AFP: variants seen among roughly 807,000 people sequenced by gnomAD.
AFP encodes the protein alpha-fetoprotein.
Under a neutral mutation model 78.9 loss-of-function variants are expected in AFP, and 64 were observed. The ratio of observed to expected loss-of-function variants is 0.81; its 90% CI spans 0.66 to 1.00. The LOEUF (loss-of-function observed/expected upper bound fraction) is 1.00, where lower values mean the gene tolerates loss of function less well. AFP is among the 50% of genes least tolerant of loss of function. The pLI is 0.00. For missense variants in AFP, 689 were observed against 703.8 expected (o/e 0.98, Z 0.24); for synonymous variants, 254 against 243.8 (o/e 1.04, Z -0.39).
At position 73,438,664 on chromosome 4, in the gene AFP, A is replaced by G. The variant is rs114314459; in HGVS notation, c.270+358A>G. ...AATTGATATAACAGCAATAGTAGCT[A>G]ACTTTTATTATACACACAATGTGAC... is the stretch of plus-strand genomic sequence containing the variant. On this transcript the variant is annotated intron_variant, in intron 3 of 14. Coordinates refer to ENST00000395792, the MANE Select transcript of AFP (RefSeq NM_001134.3). Among the ~76,000 whole-genome samples the G allele has an allele frequency of 3.9e-3, 593 of 152,246 alleles. 4 individuals are homozygous for G. The highest frequency in any genetic ancestry group is 0.013 in the African/African-American group (561 of 41,564).
At chr4:73,439,448 A>T (rs1452806068) in intron 3 of AFP, among the ~76,000 whole-genome samples, 1 of 152,196 alleles carries the variant, frequency 6.6e-6, no homozygotes, top group African/African-American at 2.4e-5. Flanking sequence ...AAATGTGTAT[A>T]AAAAAACAAG....
At position 73,450,604 on chromosome 4, in the gene AFP, G is replaced by A; in HGVS notation, c.1290-11G>A. Reference sequence around the variant, plus strand: ...ACTCAGCAGGACTTAGTTAAAAAATGCTTCTTTCAGGTTTCTCGTTGCTTA... The same window carrying A: ...ACTCAGCAGGACTTAGTTAAAAAATACTTCTTTCAGGTTTCTCGTTGCTTA... On this transcript the variant is annotated splice_polypyrimidine_tract_variant and intron_variant, in intron 10 of 14. Coordinates refer to ENST00000395792, the MANE Select transcript of AFP (RefSeq NM_001134.3). 1 of 1,614,084 alleles carries A rather than the reference G, an allele frequency of 6.2e-7. No homozygotes were observed. The highest frequency in any genetic ancestry group is 8.5e-7 in the Non-Finnish European group (1 of 1,179,988).
chr4:73,452,648 A>C, intron 12 of AFP, 24 bp downstream of exon 12: 1 of 1,563,852 alleles, frequency 6.4e-7, no homozygotes, highest in Non-Finnish European at 8.8e-7. Context: ...ACTTGCTAGC[A>C]TGGAAAAGAA....
intron 4 of AFP, 119 bp from the exon 5 acceptor site, chr4:73,442,177 A>C: frequency 9.7e-7 from 1 of 1,029,968 alleles, no homozygotes; most frequent in Non-Finnish European, 1.5e-6. Flanking sequence ...AGACAAAGTC[A>C]AATGCATTTT....
At position 73,455,915 on chromosome 4, in the gene AFP, T is replaced by C; in HGVS notation, c.*295T>C. On this transcript the variant is annotated 3_prime_UTR_variant, in exon 15 of 15. Transcript: ENST00000395792. ...GAGATTAAAGCTATCCAAGGATGGA[T>C]TTACAGCACTAGATCACTTGGTGAA... The C allele has an allele frequency of 2.3e-6, 1 of 442,502 alleles. No homozygotes were observed. The highest frequency in any genetic ancestry group is 4.0e-6 in the Non-Finnish European group (1 of 250,784). 27.4% of individuals were successfully genotyped at this position (442,502 alleles called of 1,614,324 possible). A position where few individuals can be genotyped will look rare whatever the true frequency, so the allele number is the denominator to read the frequency against.
rs1719654296 is a variant in AFP at position 73,441,282 on chromosome 4, T to C, written c.482+469T>C. Reference sequence around the variant, plus strand: ...GGTTTACTGAACACTTAGGATGTTGTGGGGCCGGGCGCGGTGGCTCACGCT... The same window carrying C: ...GGTTTACTGAACACTTAGGATGTTGCGGGGCCGGGCGCGGTGGCTCACGCT... On this transcript the variant is annotated intron_variant, in intron 4 of 14. Coordinates refer to ENST00000395792, the MANE Select transcript of AFP (RefSeq NM_001134.3). Among the ~76,000 whole-genome samples, 2 of 152,158 alleles carry C rather than the reference T, an allele frequency of 1.3e-5. 1 individual carries two copies. Among genetic ancestry groups the C allele is most frequent in the South Asian group, 4.2e-4 (2 of 4,818 alleles).
chr4:73,452,166 C>G (rs1418563529), intron 11 of AFP, among the ~76,000 whole-genome samples: 2 of 152,116 alleles, frequency 1.3e-5, no homozygotes, highest in African/African-American at 4.8e-5. Flanking sequence ...AATGACTATC[C>G]TCAACATCAC....
intron 13 of AFP, among the ~76,000 whole-genome samples, chr4:73,454,231 A>C (rs1003136257): frequency 2.6e-5 from 4 of 152,054 alleles, no homozygotes; most frequent in African/African-American, 9.6e-5. Flanking sequence ...AAATGGATTA[A>C]AGGATTTAAT....
chr4:73,449,244 T>C (rs1292487582), intron 8 of AFP, 91 bp from the exon 9 acceptor site: 21 of 1,159,276 alleles, frequency 1.8e-5, no homozygotes, highest in Non-Finnish European at 2.5e-5. Flanking sequence ...AACTTCCACA[T>C]GCCATATTAT....
At chr4:73,448,210 A>G (rs1480195514) in intron 8 of AFP, among the ~76,000 whole-genome samples, 1 of 152,182 alleles carries the variant, frequency 6.6e-6, no homozygotes, top group Non-Finnish European at 1.5e-5. Context: ...GTTTAGAGAC[A>G]TTTGCAGTAC....
chr4:73,446,080 A>G (rs16849431), intron 7 of AFP, among the ~76,000 whole-genome samples: 195 of 152,310 alleles, frequency 1.3e-3, no homozygotes, highest in African/African-American at 4.3e-3. Flanking sequence ...TCCGATGGCA[A>G]TTCAGTGAGA....
In AFP at chr4:73,455,716, G is replaced by T. The variant is rs998117486; in HGVS notation, c.*96G>T. 37 of 688,060 alleles carry T rather than the reference G, an allele frequency of 5.4e-5. No homozygotes were observed. Among genetic ancestry groups the T allele is most frequent in the Middle Eastern group, 2.4e-4 (1 of 4,170 alleles). 42.6% of individuals were successfully genotyped at this position (688,060 alleles called of 1,614,324 possible). A position where few individuals can be genotyped will look rare whatever the true frequency, so the allele number is the denominator to read the frequency against. ...GATTTAACACTTTTTGTGAATTAATGAAATGATAAAGACTTTTATGTGAGA... is the reference window on the plus strand; with the variant it reads ...GATTTAACACTTTTTGTGAATTAATTAAATGATAAAGACTTTTATGTGAGA... On this transcript the variant is annotated 3_prime_UTR_variant, in exon 15 of 15. Coordinates refer to ENST00000395792, the MANE Select transcript of AFP (RefSeq NM_001134.3).
Position 73,449,469 on chromosome 4 carries a change from T to G in AFP, c.1191+2T>G, listed in dbSNP as rs1402368020. On this transcript the variant is annotated splice_donor_variant, in intron 9 of 14. Transcript: ENST00000395792. LOFTEE classifies it high-confidence loss of function. ...CCTCTTGAATGCCAAGATAAAGGAG[T>G]AAGTTGCTCTAGAATTTTAGGGGAG... is the stretch of plus-strand genomic sequence containing the variant. 3 of 1,613,110 alleles carry G rather than the reference T, an allele frequency of 1.9e-6. No individual in the cohort carries two copies. The highest frequency in any genetic ancestry group is 2.7e-5 in the African/African-American group (2 of 74,834).
At position 73,437,899 on chromosome 4, in the gene AFP, G is replaced by T. The variant is rs563620651; in HGVS notation, c.138-275G>T. ...AATTATGGGTACATTACAGTAGATG[G>T]ATGGTCACAGAAGGAGAAACCACTC... On this transcript the variant is annotated intron_variant, in intron 2 of 14. Transcript: ENST00000395792. Among the ~76,000 whole-genome samples the T allele has an allele frequency of 4.6e-5, 7 of 152,062 alleles. No individual in the cohort carries two copies. The South Asian group carries it at 1.5e-3, about 32-fold the overall frequency.
chr4:73,438,672 T>G (rs374046933), intron 3 of AFP, among the ~76,000 whole-genome samples: 1 of 152,142 alleles, frequency 6.6e-6, no homozygotes, highest in Non-Finnish European at 1.5e-5. Flanking sequence ...CTAACTTTTA[T>G]TATACACACA....
intron 7 of AFP, among the ~76,000 whole-genome samples, chr4:73,445,929 G>T (rs148563037): frequency 6.6e-6 from 1 of 152,158 alleles, no homozygotes; most frequent in African/African-American, 2.4e-5. Flanking sequence ...TGTCTCTGTG[G>T]GCTCCATGAC....
chr4:73,442,238 C>A, intron 4 of AFP, 58 bp from the exon 5 acceptor site: 1 of 1,507,070 alleles, frequency 6.6e-7, no homozygotes, highest in Non-Finnish European at 9.2e-7. Flanking sequence ...CAGTTCCAAG[C>A]AGTAGTAGTC....
In AFP at chr4:73,444,393, A is replaced by C. The variant is rs143697788; in HGVS notation, c.714-600A>C. On this transcript the variant is annotated intron_variant, in intron 6 of 14. Transcript: ENST00000395792. ...CTTTATCAGAAGCAGGAGTAACACT[A>C]TTTTCTCTAGGAGCAATGGTTTTAC... Among the ~76,000 whole-genome samples the C allele has an allele frequency of 4.8e-3, 734 of 152,274 alleles. 15 individuals are homozygous for C. The highest frequency in any genetic ancestry group is 0.038 in the Admixed American group (586 of 15,296).
In AFP at chr4:73,440,781, A is replaced by G. The variant is rs2149333432; in HGVS notation, c.450A>G (p.Ala150=). The G allele has an allele frequency of 1.2e-6, 2 of 1,614,174 alleles. No individual in the cohort carries two copies. Among genetic ancestry groups the G allele is most frequent in the East Asian group, 2.2e-5 (1 of 44,870 alleles). ...QVPEPVTSCE[A]YEEDRETFMN... Reference sequence around the variant, plus strand: ...CAGAACCTGTCACAAGCTGTGAAGCATATGAAGAAGACAGGGAGACATTCA... The same window carrying G: ...CAGAACCTGTCACAAGCTGTGAAGCGTATGAAGAAGACAGGGAGACATTCA... Residue 150 remains alanine, a synonymous_variant, in exon 4 of 15, where the codon GCA becomes GCG. Transcript: ENST00000395792.
Sources: allele counts gnomAD v4.1 joint callset (sites outside exome capture counted in the v4.1 genomes callset), GRCh38; gene constraint gnomAD v4.1.1; transcripts MANE v1.5; gene names NCBI Gene and HGNC (gene_info 2026-07-23, HGNC 2026-07-21).